EXT2: variants seen among roughly 807,000 people sequenced by gnomAD.
The protein encoded by EXT2 is exostosin-2.
EXT2 carries 53 observed loss-of-function variants against 81.6 expected under a neutral mutation model. The ratio of observed to expected loss-of-function variants is 0.65; its 90% CI spans 0.52 to 0.82. The LOEUF (loss-of-function observed/expected upper bound fraction) is 0.82, where lower values mean the gene tolerates loss of function less well. EXT2 is among the 40% of genes least tolerant of loss of function. The pLI, the probability that EXT2 is intolerant of heterozygous loss-of-function variation, is 0.00. For synonymous variants in EXT2, 320 were observed against 340.0 expected (o/e 0.94, Z 0.65); for missense variants, 774 against 910.2 (o/e 0.85, Z 1.93).
chr11:44,195,023 G>C (rs901287588), intron 8 of EXT2, among the ~76,000 whole-genome samples: 1 of 152,126 alleles, frequency 6.6e-6, no homozygotes, highest in Non-Finnish European at 1.5e-5. Context: ...ACTCAAAAAG[G>C]TTTCTAGAAG....
intron 1 of EXT2, among the ~76,000 whole-genome samples, chr11:44,097,023 G>A (rs573254204): frequency 5.6e-4 from 85 of 152,106 alleles, no homozygotes; most frequent in Non-Finnish European, 1.2e-3. Context: ...ATCAGTTTTG[G>A]GGCCAGACTG....
intron 7 of EXT2, 73 bp from the exon 8 acceptor site, chr11:44,171,538 G>C (rs1955073179): frequency 6.2e-7 from 1 of 1,609,206 alleles, no homozygotes; most frequent in African/African-American, 1.3e-5. Flanking sequence ...ACCTGGAGTT[G>C]ACTATGATAG....
intron 11 of EXT2, 80 bp downstream of exon 11, chr11:44,232,576 A>G (rs1590666667): frequency 2.6e-6 from 4 of 1,557,422 alleles, no homozygotes; most frequent in South Asian, 1.2e-5. Context: ...AATTTTTCAT[A>G]CCTGCCAAGA....
intron 11 of EXT2, among the ~76,000 whole-genome samples, chr11:44,232,973 A>G (rs1182735779): frequency 2.6e-5 from 4 of 152,182 alleles, no homozygotes; most frequent in African/African-American, 9.6e-5. Flanking sequence ...ATTACTTTCT[A>G]AATTTTTGCT....
At chr11:44,139,735 G>A (rs1013777280) in intron 7 of EXT2, among the ~76,000 whole-genome samples, 2 of 152,116 alleles carry the variant, frequency 1.3e-5, no homozygotes, top group African/African-American at 2.4e-5. Flanking sequence ...TTAATGCCAC[G>A]TTAAAACAGT....
In EXT2 at chr11:44,198,832, A is replaced by G. The variant is rs539866200; in HGVS notation, c.1495+814A>G. On this transcript the variant is annotated intron_variant, in intron 9 of 13. Coordinates refer to ENST00000533608, the MANE Select transcript of EXT2 (RefSeq NM_207122.2). ...AGTAGTATCTGCACTTTTTATGGCTAGTCTCTTTTAATTGGATATACTGAA... is the reference window on the plus strand; with the variant it reads ...AGTAGTATCTGCACTTTTTATGGCTGGTCTCTTTTAATTGGATATACTGAA... Among the ~76,000 whole-genome samples, 16 of 152,318 alleles carry G rather than the reference A, an allele frequency of 1.1e-4. No homozygotes were observed. In the South Asian group the frequency reaches 2.7e-3, roughly 26 times the overall value.
rs766597724 is a variant in EXT2 at position 44,107,868 on chromosome 11, C to G, written c.156C>G (p.Ser52=). The G allele has an allele frequency of 2.5e-6, 4 of 1,614,060 alleles. No individual in the cohort carries two copies. Among genetic ancestry groups the G allele is most frequent in the Non-Finnish European group, 3.4e-6 (4 of 1,180,044 alleles). The change falls in exon 2 of 14, where the codon TCC becomes TCG. Residue 52 remains serine (S), a synonymous_variant. Coordinates refer to ENST00000533608, the MANE Select transcript of EXT2 (RefSeq NM_207122.2). ...AGTTTTGGCCCCATTCTATCGAGTC[C>G]TCAAATGACTGGAATGTAGAGAAGC... is the stretch of plus-strand genomic sequence containing the variant. The part of the protein sequence containing the change: ...MFQFWPHSIE[S]SNDWNVEKRS...
intron 7 of EXT2, among the ~76,000 whole-genome samples, chr11:44,163,373 A>G (rs1323135874): frequency 3.3e-5 from 5 of 152,218 alleles, no homozygotes; most frequent in Non-Finnish European, 5.9e-5. Flanking sequence ...ATTAGAGCCT[A>G]TCTCTGGGAC....
chr11:44,099,805 CCT>C (rs1040534957), intron 1 of EXT2, among the ~76,000 whole-genome samples: 2 of 152,308 alleles, frequency 1.3e-5, no homozygotes, highest in Admixed American at 6.5e-5. Flanking sequence ...CAGGGAAGAT[CCT>C]CTCTCTGTAA....
intron 11 of EXT2, 38 bp from the exon 12 acceptor site, chr11:44,234,077 T>G (rs1208242657): frequency 6.2e-7 from 1 of 1,613,658 alleles, no homozygotes; most frequent in Admixed American, 1.7e-5. Flanking sequence ...AGGGAACTGC[T>G]ATTTTTGAAT....
intron 2 of EXT2, among the ~76,000 whole-genome samples, chr11:44,108,620 C>A (rs1004950288): frequency 5.9e-5 from 9 of 152,096 alleles, no homozygotes; most frequent in Non-Finnish European, 1.2e-4. Flanking sequence ...TACAGGTAAG[C>A]AAAAAGAAGA....
chr11:44,113,914 G>A (rs935846147), intron 3 of EXT2, among the ~76,000 whole-genome samples: 6 of 152,140 alleles, frequency 3.9e-5, no homozygotes, highest in South Asian at 2.1e-4. Context: ...GAGGCTGTCC[G>A]TAAGGTGTCC....
chr11:44,098,964 C>T (rs1387973534), intron 1 of EXT2, among the ~76,000 whole-genome samples: 1 of 152,084 alleles, frequency 6.6e-6, no homozygotes, highest in Non-Finnish European at 1.5e-5. Flanking sequence ...GACATTTGTT[C>T]GTTCAACAAA....
intron 13 of EXT2, 82 bp from the exon 14 acceptor site, chr11:44,244,067 A>G: frequency 1.6e-6 from 2 of 1,287,778 alleles, no homozygotes; most frequent in South Asian, 2.4e-5. Context: ...CAACCTCTTG[A>G]ACATACTATC....
chr11:44,203,160 AT>A (rs1167536252), intron 9 of EXT2, among the ~76,000 whole-genome samples: 1 of 152,194 alleles, frequency 6.6e-6, no homozygotes, highest in Non-Finnish European at 1.5e-5. Flanking sequence ...TTCCCTTTTC[AT>A]TCGATAATCT....
At chr11:44,219,145 C>A (rs527896245) in intron 10 of EXT2, among the ~76,000 whole-genome samples, 3 of 152,164 alleles carry the variant, frequency 2.0e-5, no homozygotes, top group African/African-American at 7.2e-5. Flanking sequence ...TTTCTCTTCT[C>A]ACTACAACAA....
chr11:44,102,181 G>A (rs1435477000), intron 1 of EXT2, among the ~76,000 whole-genome samples: 1 of 152,162 alleles, frequency 6.6e-6, no homozygotes, highest in Non-Finnish European at 1.5e-5. Context: ...ATCTTTATCA[G>A]AATAGCTGTA....
At position 44,247,450 on chromosome 11, in the gene EXT2, C is replaced by G. The variant is rs1432973543; in HGVS notation, c.*3163C>G. The stretch of plus-strand genomic sequence containing the variant: ...TAATTTTAGTAGAGGCAGGGTTTCA[C>G]CACGTTAGCCAGGCTGGTCTCGAAC... On this transcript the variant is annotated 3_prime_UTR_variant, in exon 14 of 14. Transcript: ENST00000533608. 6.6e-6 allele frequency among the ~76,000 whole-genome samples: 1 copy of G among 151,922 alleles called. No homozygotes were observed. The highest frequency in any genetic ancestry group is 1.5e-5 in the Non-Finnish European group (1 of 67,968).
chr11:44,213,984 A>G, intron 10 of EXT2, among the ~76,000 whole-genome samples: 1 of 152,254 alleles, frequency 6.6e-6, no homozygotes, highest in East Asian at 1.9e-4. Flanking sequence ...ATTAGAAAAG[A>G]GGAAAAATAA....
Sources: allele counts gnomAD v4.1 joint callset (sites outside exome capture counted in the v4.1 genomes callset), GRCh38; gene constraint gnomAD v4.1.1; transcripts MANE v1.5; gene names NCBI Gene and HGNC (gene_info 2026-07-23, HGNC 2026-07-21).